Variants in PSMB8 observed in about 807,000 individuals in gnomAD.
The protein encoded by PSMB8 is proteasome 20S subunit beta 8.
PSMB8 carries 20 observed loss-of-function variants against 32.3 expected under a neutral mutation model. The ratio of observed to expected loss-of-function variants is 0.62; its 90% CI spans 0.44 to 0.90. The LOEUF is 0.90. PSMB8 is among the 40% of genes least tolerant of loss of function. The pLI, the probability that PSMB8 is intolerant of heterozygous loss-of-function variation, is 0.00. For missense variants in PSMB8, 342 were observed against 365.4 expected, an observed-to-expected ratio of 0.94 and a Z score of 0.52; for synonymous variants, 131 against 135.4, an observed-to-expected ratio of 0.97 and a Z score of 0.23.
At chr6:32,844,199 T>C (rs1229918459), upstream of PSMB8, 2 of 1,573,520 alleles carry the variant, frequency 1.3e-6, no homozygotes, top group African/African-American at 1.4e-5. Flanking sequence ...GAATGATGGG[T>C]CAAGGGTCTT....
chr6:32,841,872 A>G (rs1030884672), intron 4 of PSMB8, 137 bp from the exon 5 acceptor site: 34 of 1,063,620 alleles, frequency 3.2e-5, no homozygotes, highest in Non-Finnish European at 4.6e-5. Context: ...CCACTTTGGT[A>G]AAGTCATCGA....
intron 5 of PSMB8, 86 bp from the exon 6 acceptor site, chr6:32,841,133 G>C: frequency 2.6e-6 from 3 of 1,160,726 alleles, no homozygotes; most frequent in Middle Eastern, 1.9e-4. Context: ...GCAGCAACAA[G>C]ACACATGCGC....
At chr6:32,842,081 CT>C in intron 4 of PSMB8, 52 bp downstream of exon 4, 4 of 1,612,668 alleles carry the variant, frequency 2.5e-6, no homozygotes, top group Non-Finnish European at 3.4e-6. Context: ...GGAAACAGAT[CT>C]GTCATCCATA....
upstream of PSMB8, chr6:32,844,180 G>A: frequency 1.9e-6 from 3 of 1,540,850 alleles, no homozygotes; most frequent in South Asian, 3.5e-5. Flanking sequence ...CCCGTTATGG[G>A]GGTCGGGGGA....
In PSMB8 at chr6:32,843,901, G is replaced by C. The variant is rs774832810; in HGVS notation, c.96C>G (p.His32Gln). Residue 32 changes from histidine to glutamine, a missense_variant, in exon 1 of 6, where the codon CAC (histidine) becomes CAG (glutamine). By Grantham distance (24) the His-to-Gln change is conservative (BLOSUM62 0). Coordinates refer to ENST00000374882, the MANE Select transcript of PSMB8 (RefSeq NM_148919.4). ...CTGGAGATCGCATAGAGAAACTGTA[G>C]TGTCCTGGGTCCGAGCGACGCCCGC... is the stretch of plus-strand genomic sequence containing the variant. ...AGSGRRSDPG[H>Q]YSFSMRSPEL... 4.3e-6 allele frequency: 7 copies of C among 1,612,702 alleles called. No homozygotes were observed. The African/African-American group carries it at 5.3e-5, about 12-fold the overall frequency.
At chr6:32,844,099 G>A, upstream of PSMB8, 1 of 1,532,584 alleles carries the variant, frequency 6.5e-7, no homozygotes, top group Non-Finnish European at 8.8e-7. Flanking sequence ...ACATCCCCCT[G>A]CCTTTTCCGA....
rs1160217353 is a variant in PSMB8, at chr6:32,842,240, T to G, written c.431A>C (p.Glu144Ala). ...ECRLYYLRNG[E>A]RISVSAASKL... ...GGAGGCTGCCGACACTGAAATACGT[T>G]CTCCATTTCGCAGATAGTACAGCCT... The change falls in exon 4 of 6, where the codon GAA becomes GCA. Residue 144 changes from glutamate (E) to alanine (A), a missense_variant. Glu to Ala is a moderately radical substitution (Grantham distance 107). Transcript: ENST00000374882. 1 of 1,612,942 alleles carries G rather than the reference T, an allele frequency of 6.2e-7. No homozygotes were observed. The highest frequency in any genetic ancestry group is 2.2e-5 in the East Asian group (1 of 44,902).
At position 32,842,930 on chromosome 6, in the gene PSMB8, G is replaced by A. The variant is rs375825728; in HGVS notation, c.295+12C>T. 33 of 1,613,626 alleles carry A rather than the reference G, an allele frequency of 2.0e-5. No homozygotes were observed. Among genetic ancestry groups the A allele is most frequent in the African/African-American group, 9.3e-5 (7 of 74,940 alleles). ...CTCCCCAGATTCTGCCTGCTGGAGC[G>A]TATACACTCACTAATGTAGGACCCA... On this transcript the variant is annotated intron_variant, in intron 2 of 5. Transcript: ENST00000374882.
chr6:32,844,590 T>G, upstream of PSMB8: 1 of 689,874 alleles, frequency 1.4e-6, no homozygotes, highest in Non-Finnish European at 2.4e-6. Context: ...GGTTCAACGG[T>G]CTCCTAACCT....
chr6:32,840,983 G>C lies in PSMB8; in HGVS notation c.807C>G (p.His269Gln). 1 of 1,613,536 alleles carries C rather than the reference G, an allele frequency of 6.2e-7. No individual in the cohort carries two copies. The highest frequency in any genetic ancestry group is 8.5e-7 in the Non-Finnish European group (1 of 1,179,524). ...VESTDVSDLL[H>Q]QYREANQ Reference sequence around the variant, plus strand: ...ATTATTGATTGGCTTCCCGGTACTGGTGCAGCAGGTCACTGACATCTGTAC... The same window carrying C: ...ATTATTGATTGGCTTCCCGGTACTGCTGCAGCAGGTCACTGACATCTGTAC... Residue 269 changes from histidine to glutamine, a missense_variant, in exon 6 of 6, where the codon CAC (histidine) becomes CAG (glutamine). Coordinates refer to ENST00000374882, the MANE Select transcript of PSMB8 (RefSeq NM_148919.4).
rs780859553 is a variant in PSMB8, at chr6:32,842,965, C to T, written c.272G>A (p.Arg91Gln). Reference protein sequence around the residue: ...QHGVIAAVDSRASAGSYISAL... With the variant: ...QHGVIAAVDSQASAGSYISAL... ...ACTAATGTAGGACCCAGCTGAGGCCCGAGAATCCACTGCTGCAATCACTCC... is the reference window on the plus strand; with the variant it reads ...ACTAATGTAGGACCCAGCTGAGGCCTGAGAATCCACTGCTGCAATCACTCC... The change falls in exon 2 of 6, where the codon CGG becomes CAG. Residue 91 changes from arginine (R) to glutamine (Q), a missense_variant. By Grantham distance (43) the Arg-to-Gln change is conservative. Coordinates refer to ENST00000374882, the MANE Select transcript of PSMB8 (RefSeq NM_148919.4). 2.6e-5 allele frequency: 42 copies of T among 1,613,120 alleles called. No homozygotes were observed. Among genetic ancestry groups the T allele is most frequent in the Middle Eastern group, 1.6e-4 (1 of 6,084 alleles).
At chr6:32,844,524 A>T, upstream of PSMB8, 1 of 1,337,708 alleles carries the variant, frequency 7.5e-7, no homozygotes, top group Middle Eastern at 2.3e-4. Flanking sequence ...AGGCGGCGCC[A>T]GGGAGAGGGC....
chr6:32,844,597 A>C (rs1392750203), upstream of PSMB8: 3 of 647,688 alleles, frequency 4.6e-6, no homozygotes, highest in African/African-American at 5.5e-5. Flanking sequence ...CGGTCTCCTA[A>C]CCTGTAGTCA....
At chr6:32,844,529 G>A, upstream of PSMB8, 1 of 1,288,196 alleles carries the variant, frequency 7.8e-7, no homozygotes, top group Non-Finnish European at 1.1e-6. Context: ...GCGCCAGGGA[G>A]AGGGCGCAGT....
In PSMB8 at chr6:32,843,959, T is replaced by C; in HGVS notation, c.38A>G (p.Gln13Arg). 1 of 1,612,232 alleles carries C rather than the reference T, an allele frequency of 6.2e-7. No homozygotes were observed. The highest frequency in any genetic ancestry group is 8.5e-7 in the Non-Finnish European group (1 of 1,179,810). The change falls in exon 1 of 6, where the codon CAG (glutamine) becomes CGG (arginine). Residue 13 changes from glutamine (Q) to arginine (R), a missense_variant. By Grantham distance (43) the Gln-to-Arg change is conservative. Coordinates refer to ENST00000374882, the MANE Select transcript of PSMB8 (RefSeq NM_148919.4). ...AACCGGGAGAGCCGATTCCGGCCGC[T>C]GCCCTCGGGGGGCTCCGCATACATC... is the stretch of plus-strand genomic sequence containing the variant. The part of the protein sequence containing the change: ...LLDVCGAPRG[Q>R]RPESALPVAG...
In PSMB8 at chr6:32,841,588, G is replaced by A. The variant is rs367754826; in HGVS notation, c.685C>T (p.Arg229Cys). 11 of 1,612,896 alleles carry A rather than the reference G, an allele frequency of 6.8e-6. No homozygotes were observed. Among genetic ancestry groups the A allele is most frequent in the Middle Eastern group, 1.6e-4 (1 of 6,070 alleles). Residue 229 changes from arginine (R) to cysteine (C), a missense_variant, in exon 5 of 6, where the codon CGC becomes TGC. Physicochemically the swap from Arg to Cys is radical, Grantham distance 180 (BLOSUM62 -3). Transcript: ENST00000374882. ...TGAGTGGCATAAGCAATAGCCCTGC[G>A]GCCAAGGTCATAGGCCTCTTCAGGG... ...LSPEEAYDLGRRAIAYATHRD... is the reference protein window; with the variant it reads ...LSPEEAYDLGCRAIAYATHRD...
intron 4 of PSMB8, 178 bp downstream of exon 4, chr6:32,841,956 T>G (rs745331466): frequency 9.4e-7 from 1 of 1,063,314 alleles, no homozygotes; most frequent in Non-Finnish European, 1.4e-6. Context: ...ACAAAACACA[T>G]GCAATGATTC....
rs757170542 is a variant in PSMB8 at position 32,843,966 on chromosome 6, G to A, written c.31C>T (p.Arg11Ter). 1.4e-5 allele frequency: 22 copies of A among 1,612,272 alleles called. No homozygotes were observed. Among genetic ancestry groups the A allele is most frequent in the Admixed American group, 3.3e-5 (2 of 59,962 alleles). ...AGAGCCGATTCCGGCCGCTGCCCTCGGGGGGCTCCGCATACATCTAGTAGC... is the reference window on the plus strand; with the variant it reads ...AGAGCCGATTCCGGCCGCTGCCCTCAGGGGGCTCCGCATACATCTAGTAGC... MALLDVCGAP[R>*]GQRPESALPV... Residue 11 changes from arginine to a stop codon, truncating the protein, a stop_gained, in exon 1 of 6, where the codon CGA (arginine) becomes TGA (stop). Coordinates refer to ENST00000374882, the MANE Select transcript of PSMB8 (RefSeq NM_148919.4). LOFTEE classifies it high-confidence loss of function.
chr6:32,842,731 G>T lies in PSMB8; in HGVS notation c.348C>A (p.Thr116=). The part of the protein sequence containing the change: ...VIEINPYLLG[T]MSGCAADCQY... ...GACAGTCTGCTGCACAGCCAGACAT[G>T]GTGCCAAGCAGGTAAGGGTTAATCT... The change falls in exon 3 of 6, where the codon ACC becomes ACA. Residue 116 remains threonine (T), a synonymous_variant. Coordinates refer to ENST00000374882, the MANE Select transcript of PSMB8 (RefSeq NM_148919.4). The T allele has an allele frequency of 6.2e-7, 1 of 1,614,224 alleles. No individual in the cohort carries two copies. Among genetic ancestry groups the T allele is most frequent in the African/African-American group, 1.3e-5 (1 of 75,056 alleles).
Sources: gnomAD v4.1 joint callset for allele counts on GRCh38, gnomAD v4.1.1 for gene constraint, MANE v1.5 for transcripts, NCBI Gene and HGNC (gene_info 2026-07-23, HGNC 2026-07-21) for gene names.